The following ARHGAP10 variants were observed in gnomAD, a reference collection of about 807,000 sequenced individuals.
ARHGAP10 encodes rho GTPase-activating protein 10.
In ARHGAP10, 87 loss-of-function variants were observed where a neutral mutation model predicts 108.6. The ratio of observed to expected loss-of-function variants is 0.80; its 90% CI spans 0.67 to 0.96. The LOEUF is 0.96. Ranked by LOEUF, ARHGAP10 falls within the 40% of genes least tolerant of loss-of-function variation. The pLI, the probability that ARHGAP10 is intolerant of heterozygous loss-of-function variation, is 0.00. For synonymous variants in ARHGAP10, 347 were observed against 341.1 expected (o/e 1.02, Z -0.19); for missense variants, 939 against 954.5 (o/e 0.98, Z 0.21).
At chr4:148,064,388 G>T (rs540574626) in intron 21 of ARHGAP10, 28 bp from the exon 22 acceptor site, 2 of 1,603,540 alleles carry the variant, frequency 1.2e-6, no homozygotes, top group Non-Finnish European at 1.7e-6. Context: ...ATTTTCATTG[G>T]TGTCTTTTGT....
At chr4:147,934,299 G>A (rs1737836690) in intron 13 of ARHGAP10, among the ~76,000 whole-genome samples, 1 of 152,220 alleles carries the variant, frequency 6.6e-6, no homozygotes, top group Non-Finnish European at 1.5e-5. Context: ...CAGCCACCTG[G>A]ATGTTGGTCT....
chr4:147,948,980 A>G (rs1463740246), intron 15 of ARHGAP10, among the ~76,000 whole-genome samples: 1 of 139,150 alleles, frequency 7.2e-6, no homozygotes, highest in Non-Finnish European at 1.6e-5. Flanking sequence ...AAAAAAAAAC[A>G]AAAAAACCCC....
chr4:148,007,063 C>T (rs1740980404), intron 18 of ARHGAP10, among the ~76,000 whole-genome samples: 2 of 152,148 alleles, frequency 1.3e-5, no homozygotes, highest in South Asian at 4.1e-4. Flanking sequence ...GGAGTTAGCG[C>T]ACTTCAAGGA....
chr4:148,069,145 C>T (rs909126594), intron 22 of ARHGAP10, among the ~76,000 whole-genome samples: 2 of 151,988 alleles, frequency 1.3e-5, no homozygotes, highest in Non-Finnish European at 2.9e-5. Flanking sequence ...TTTTGGGGTT[C>T]GATGCTACTG....
At chr4:147,851,362 G>A (rs1232666358) in intron 4 of ARHGAP10, among the ~76,000 whole-genome samples, 2 of 151,826 alleles carry the variant, frequency 1.3e-5, no homozygotes, top group Non-Finnish European at 2.9e-5. Flanking sequence ...ACAGATGCCT[G>A]CCACCATGCA....
intron 13 of ARHGAP10, among the ~76,000 whole-genome samples, chr4:147,924,935 A>G (rs1311736895): frequency 6.6e-6 from 1 of 151,500 alleles, no homozygotes; most frequent in Non-Finnish European, 1.5e-5. Context: ...TAGTCTCATT[A>G]TTGATTTAAG....
chr4:147,855,515 C>T (rs754541785), intron 4 of ARHGAP10, among the ~76,000 whole-genome samples: 2 of 152,042 alleles, frequency 1.3e-5, no homozygotes, highest in Non-Finnish European at 1.5e-5. Flanking sequence ...AAAAGAGTGA[C>T]TATTAAGTAA....
At chr4:147,978,165 A>AT (rs1187249661) in intron 18 of ARHGAP10, among the ~76,000 whole-genome samples, 4 of 151,964 alleles carry the variant, frequency 2.6e-5, no homozygotes, top group African/African-American at 4.8e-5. Flanking sequence ...TGATTTATTC[A>AT]TTTATTTTTT....
chr4:147,854,561 T>G, intron 4 of ARHGAP10: 1 of 298,392 alleles, frequency 3.4e-6, no homozygotes. Flanking sequence ...CTTTTTGGAT[T>G]ACGCTGTTAC....
chr4:147,801,978 C>T (rs571643317), intron 1 of ARHGAP10, among the ~76,000 whole-genome samples: 24 of 152,320 alleles, frequency 1.6e-4, no homozygotes, highest in Admixed American at 4.6e-4. Context: ...GCATTGATTT[C>T]TCTCCCTGAG....
intron 1 of ARHGAP10, among the ~76,000 whole-genome samples, chr4:147,761,781 C>G (rs1173500670): frequency 6.6e-6 from 1 of 152,130 alleles, no homozygotes; most frequent in Non-Finnish European, 1.5e-5. Context: ...AGATTTTGTG[C>G]TGATTGGCAC....
chr4:147,756,731 G>A (rs1324582119), intron 1 of ARHGAP10, among the ~76,000 whole-genome samples: 1 of 152,134 alleles, frequency 6.6e-6, no homozygotes, highest in Non-Finnish European at 1.5e-5. Flanking sequence ...ATTCACTGGG[G>A]ATCTTGGAAT....
rs1205613260 is a variant in ARHGAP10, at chr4:148,023,282, A to G, written c.1736A>G (p.Asp579Gly). The G allele has an allele frequency of 8.1e-6, 13 of 1,613,976 alleles. No individual in the cohort carries two copies. Among genetic ancestry groups the G allele is most frequent in the African/African-American group, 2.7e-5 (2 of 74,932 alleles). ...TGGAAGATTTTTCGGACGCCGCCCGATACTACATTCCCTGAGCCCACCTGC... is the reference window on the plus strand; with the variant it reads ...TGGAAGATTTTTCGGACGCCGCCCGGTACTACATTCCCTGAGCCCACCTGC... ...NHEKIFRTPP[D>G]TTFPEPTCLS... is the part of the protein sequence containing the mutation. The change falls in exon 19 of 23, where the codon GAT (aspartate) becomes GGT (glycine). Residue 579 changes from aspartate to glycine, a missense_variant. Physicochemically the swap from Asp to Gly is moderately conservative, Grantham distance 94. Transcript: ENST00000336498.
At chr4:147,784,823 ATATT>A (rs1284250687) in intron 1 of ARHGAP10, among the ~76,000 whole-genome samples, 4 of 30,468 alleles carry the variant, frequency 1.3e-4, no homozygotes, top group Non-Finnish European at 2.5e-4. Flanking sequence ...TATAAAATAT[ATATT>A]ATAAATATAT....
chr4:147,811,481 G>C (rs1353421733), intron 1 of ARHGAP10, among the ~76,000 whole-genome samples: 1 of 152,048 alleles, frequency 6.6e-6, no homozygotes, highest in African/African-American at 2.4e-5. Flanking sequence ...CTGCAGCCCT[G>C]ACTGTCCTGA....
At chr4:148,043,645 A>ATATATATATATATATATATATATATATG (rs1728738110) in intron 19 of ARHGAP10, among the ~76,000 whole-genome samples, 1 of 106,386 alleles carries the variant, frequency 9.4e-6, no homozygotes, top group East Asian at 3.1e-4. Flanking sequence ...ATATATATAT[A>ATATATATATATATATATATATATATATG]TATATATTTT....
At chr4:147,966,877 G>T (rs1739224709) in intron 18 of ARHGAP10, 38 bp downstream of exon 18, 1 of 1,507,446 alleles carries the variant, frequency 6.6e-7, no homozygotes, top group Non-Finnish European at 9.0e-7. Flanking sequence ...TTTGTTTTCG[G>T]CTTGTCGCCA....
At chr4:148,071,884 G>C in intron 22 of ARHGAP10, 109 bp from the exon 23 acceptor site, 1 of 824,148 alleles carries the variant, frequency 1.2e-6, no homozygotes, top group East Asian at 2.6e-5. Flanking sequence ...CATCCCAGAA[G>C]TGGCCCCTGT....
intron 21 of ARHGAP10, among the ~76,000 whole-genome samples, chr4:148,063,661 A>G (rs1729726222): frequency 6.6e-6 from 1 of 152,246 alleles, no homozygotes; most frequent in African/African-American, 2.4e-5. Flanking sequence ...ATTCGCTTCC[A>G]TGGCATCCAG....
Sources: gnomAD v4.1 joint callset for allele counts (sites outside exome capture counted in the v4.1 genomes callset) on GRCh38, gnomAD v4.1.1 for gene constraint, MANE v1.5 for transcripts, NCBI Gene and HGNC (gene_info 2026-07-23, HGNC 2026-07-21) for gene names.